The following PLCD1 variants were observed in gnomAD, a reference collection of about 807,000 sequenced individuals.
The protein encoded by PLCD1 is phospholipase C delta 1.
PLCD1 carries 71 observed loss-of-function variants against 87.4 expected under a neutral mutation model. That is an observed-to-expected ratio of 0.81 (90% CI 0.67 to 0.99). PLCD1 has a LOEUF of 0.99. PLCD1 is among the 50% of genes least tolerant of loss of function. The probability of loss-of-function intolerance (pLI) is 0.00; values close to 1 mark genes in which losing one functional copy is unlikely to be tolerated. For missense variants in PLCD1, 867 were observed against 1,001.5 expected, an observed-to-expected ratio of 0.87 and a Z score of 1.81; for synonymous variants, 348 against 399.2, an observed-to-expected ratio of 0.87 and a Z score of 1.53.
At chr3:38,022,762 C>T (rs950742801) in intron 1 of PLCD1, among the ~76,000 whole-genome samples, 25 of 152,132 alleles carry the variant, frequency 1.6e-4, no homozygotes, top group African/African-American at 5.6e-4. Context: ...CTCTTAGCCT[C>T]ATTTGGGGCC....
chr3:38,011,947 ACAAT>A (rs1700084925), intron 3 of PLCD1, among the ~76,000 whole-genome samples: 2 of 152,210 alleles, frequency 1.3e-5, no homozygotes, highest in Non-Finnish European at 1.5e-5. Flanking sequence ...AGAAAAGTAA[ACAAT>A]CAAACAAATC....
intron 3 of PLCD1, among the ~76,000 whole-genome samples, chr3:38,016,115 T>C (rs9861030): frequency 0.073 from 11,158 of 152,162 alleles, 531 homozygotes; most frequent in African/African-American, 0.13. Context: ...TATTTGGAGA[T>C]AAGGCCTTTG....
intron 1 of PLCD1, chr3:38,024,474 G>T: frequency 6.3e-7 from 1 of 1,586,150 alleles, no homozygotes; most frequent in East Asian, 2.3e-5. Flanking sequence ...GCCGGGTCCG[G>T]GGCAGTGCCG....
rs1700169615 is a variant in PLCD1, at chr3:38,017,068, G to A, written c.200-349C>T. Among the ~76,000 whole-genome samples the A allele has an allele frequency of 1.3e-5, 2 of 152,110 alleles. No individual in the cohort carries two copies. Among genetic ancestry groups the A allele is most frequent in the Admixed American group, 6.5e-5 (1 of 15,284 alleles). ...GCCTGCTCTCTCGGTGATGGGGGGT[G>A]CAGGGCCCCAGGGAGAGGACTGGAG... On this transcript the variant is annotated intron_variant, in intron 2 of 14. Transcript: ENST00000334661. This position sits in a 1 kb window ranked among gnomAD's most constrained non-coding sequence, Gnocchi z 4.7.
chr3:38,012,090 C>A (rs1575349448), intron 3 of PLCD1, among the ~76,000 whole-genome samples: 1 of 141,796 alleles, frequency 7.1e-6, no homozygotes, highest in Non-Finnish European at 1.5e-5. Context: ...TGCAGTGGCA[C>A]AATCACAGCT....
Position 38,011,787 on chromosome 3 carries a change from G to A in PLCD1, c.429-114C>T. On this transcript the variant is annotated intron_variant, in intron 3 of 14. Transcript: ENST00000334661. Reference sequence around the variant, plus strand: ...TATAGCCACAGCTCCCTGCAGGCCTGACTTACTACACATCCATGTTTCAGT... The same window carrying A: ...TATAGCCACAGCTCCCTGCAGGCCTAACTTACTACACATCCATGTTTCAGT... 6.3e-6 allele frequency: 6 copies of A among 946,812 alleles called. No individual in the cohort carries two copies. In the South Asian group the frequency reaches 7.9e-5, roughly 13 times the overall value. 58.7% of individuals were successfully genotyped at this position (946,812 alleles called of 1,614,324 possible). A position where few individuals can be genotyped will look rare whatever the true frequency, so the allele number is the denominator to read the frequency against.
At position 38,011,319 on chromosome 3, in the gene PLCD1, A is replaced by G. The variant is rs1700072283; in HGVS notation, c.685T>C (p.Ser229Pro). Residue 229 changes from serine (S) to proline (P), a missense_variant, in exon 5 of 15, where the codon TCG becomes CCG. Coordinates refer to ENST00000334661, the MANE Select transcript of PLCD1 (RefSeq NM_006225.4). ...AEAAGSGETL[S>P]VDQLVTFLQH... ...AGGAACGTCACTAACTGATCCACCGACAGAGTCTCCCCTGAGCCCGCGGCC... is the reference window on the plus strand; with the variant it reads ...AGGAACGTCACTAACTGATCCACCGGCAGAGTCTCCCCTGAGCCCGCGGCC... 3 of 1,612,096 alleles carry G rather than the reference A, an allele frequency of 1.9e-6. No homozygotes were observed. The highest frequency in any genetic ancestry group is 1.7e-6 in the Non-Finnish European group (2 of 1,180,028).
rs981837577 is a variant in PLCD1 at position 38,029,032 on chromosome 3, C to A, written c.34+474G>T. On this transcript the variant is annotated intron_variant, in intron 1 of 14. Transcript: ENST00000334661. ...ACCTTGCACACCTCCTCTCCCCACC[C>A]GCTTAGCCCCTGCTCCGCCACACCC... Among the ~76,000 whole-genome samples, 9 of 152,384 alleles carry A rather than the reference C, an allele frequency of 5.9e-5. No homozygotes were observed. In the South Asian group the frequency reaches 1.0e-3, roughly 18 times the overall value.
intron 3 of PLCD1, among the ~76,000 whole-genome samples, chr3:38,014,399 T>C (rs1051872443): frequency 1.3e-5 from 2 of 152,072 alleles, no homozygotes; most frequent in Non-Finnish European, 2.9e-5. Context: ...CAGAATAAAA[T>C]TGAGAACTCA....
Position 38,010,418 on chromosome 3 carries a change from T to G in PLCD1, c.935A>C (p.Asn312Thr). 1 of 1,614,142 alleles carries G rather than the reference T, an allele frequency of 6.2e-7. No individual in the cohort carries two copies. Among genetic ancestry groups the G allele is most frequent in the South Asian group, 1.1e-5 (1 of 91,080 alleles). The change falls in exon 6 of 15, where the codon AAC becomes ACC. Residue 312 changes from asparagine (N) to threonine (T), a missense_variant. Asn to Thr is a moderately conservative substitution (Grantham distance 65). Coordinates refer to ENST00000334661, the MANE Select transcript of PLCD1 (RefSeq NM_006225.4). ...LSHYLVSSSHNTYLLEDQLAG... is the reference protein window; with the variant it reads ...LSHYLVSSSHTTYLLEDQLAG... The stretch of plus-strand genomic sequence containing the variant: ...TAGCTGGTCCTCCAGCAGGTAGGTG[T>G]TGTGTGAAGAGGACACCAGGTAGTG...
At position 38,009,988 on chromosome 3, in the gene PLCD1, C is replaced by T; in HGVS notation, c.1203G>A (p.Met401Ile). 6.2e-7 allele frequency: 1 copy of T among 1,614,092 alleles called. No individual in the cohort carries two copies. Among genetic ancestry groups the T allele is most frequent in the Non-Finnish European group, 8.5e-7 (1 of 1,179,930 alleles). Residue 401 changes from methionine (M) to isoleucine (I), a missense_variant, in exon 8 of 15, where the codon ATG becomes ATA. Met to Ile is a conservative substitution (Grantham distance 10, BLOSUM62 1). Coordinates refer to ENST00000334661, the MANE Select transcript of PLCD1 (RefSeq NM_006225.4). ...NHCTLEQQRV[M>I]ARHLHAILGP... ...CCAGGATGGCATGCAGGTGCCGCGCCATCACGCGCTGCTGCTCCAGTGTGC... is the reference window on the plus strand; with the variant it reads ...CCAGGATGGCATGCAGGTGCCGCGCTATCACGCGCTGCTGCTCCAGTGTGC...
At chr3:38,008,676 C>T in intron 11 of PLCD1, 40 bp from the exon 12 acceptor site, 1 of 1,588,800 alleles carries the variant, frequency 6.3e-7, no homozygotes, top group Non-Finnish European at 8.6e-7. Context: ...GTGGGCTGGC[C>T]CTGGGGCCCT....
intron 1 of PLCD1, chr3:38,024,720 C>A: frequency 1.4e-6 from 2 of 1,435,566 alleles, no homozygotes; most frequent in Non-Finnish European, 1.8e-6. Context: ...GAAGGTGAGG[C>A]GAGAGCGAAA....
Position 38,010,358 on chromosome 3 carries a change from C to A in PLCD1, c.992+3G>T. 6.2e-7 allele frequency: 1 copy of A among 1,614,204 alleles called. No individual in the cohort carries two copies. The highest frequency in any genetic ancestry group is 8.5e-7 in the Non-Finnish European group (1 of 1,180,032). On this transcript the variant is annotated splice_donor_region_variant and intron_variant, in intron 6 of 14. Transcript: ENST00000334661. Reference sequence around the variant, plus strand: ...TCCCGACCCAAGGCTCCCTGAGCAGCACCGGATGTAGGCTTCAGTGCTGCT... The same window carrying A: ...TCCCGACCCAAGGCTCCCTGAGCAGAACCGGATGTAGGCTTCAGTGCTGCT...
rs1344575728 is a variant in PLCD1 at position 38,025,406 on chromosome 3, T to C, written c.34+4100A>G. Among the ~76,000 whole-genome samples, 2 of 151,910 alleles carry C rather than the reference T, an allele frequency of 1.3e-5. No homozygotes were observed. The highest frequency in any genetic ancestry group is 4.8e-5 in the African/African-American group (2 of 41,344). ...GATGGCAGTCTAGCGGGGACCTGAG[T>C]GGGGCGAGATCAGGCGGGACCGGGG... On this transcript the variant is annotated intron_variant, in intron 1 of 14. Coordinates refer to ENST00000334661, the MANE Select transcript of PLCD1 (RefSeq NM_006225.4). The surrounding 1 kb of genome is among the most constrained non-coding windows in gnomAD (Gnocchi z 4.0).
chr3:38,010,714 G>A, intron 5 of PLCD1, 152 bp from the exon 6 acceptor site: 1 of 665,616 alleles, frequency 1.5e-6, no homozygotes, highest in Non-Finnish European at 2.6e-6. Flanking sequence ...TAAGTCTGAG[G>A]CTCTCGACCA....
In PLCD1 at chr3:38,016,541, G is replaced by A. The variant is rs1700157362; in HGVS notation, c.378C>T (p.His126=). 2 of 1,614,046 alleles carry A rather than the reference G, an allele frequency of 1.2e-6. No individual in the cohort carries two copies. The highest frequency in any genetic ancestry group is 1.7e-4 in the Middle Eastern group (1 of 6,060). Residue 126 remains histidine (H), a synonymous_variant, in exon 3 of 15, where the codon CAC becomes CAT. Transcript: ENST00000334661. Reference sequence around the variant, plus strand: ...TGGAGCCTGAGTGGTGGATGATCTTGTGCAGCCCCAGCACCCAGTGCTGGG... The same window carrying A: ...TGGAGCCTGAGTGGTGGATGATCTTATGCAGCCCCAGCACCCAGTGCTGGG... ...ADAQHWVLGL[H]KIIHHSGSMD...
rs771117546 is a variant in PLCD1 at position 38,011,347 on chromosome 3, G to A, written c.657C>T (p.Ala219=). 9.9e-6 allele frequency: 16 copies of A among 1,612,688 alleles called. No homozygotes were observed. Among genetic ancestry groups the A allele is most frequent in the East Asian group, 2.2e-5 (1 of 44,882 alleles). Residue 219 remains alanine (A), a synonymous_variant, in exon 5 of 15, where the codon GCC becomes GCT. Transcript: ENST00000334661. ...TQRVEIDRTF[A]EAAGSGETLS... Reference sequence around the variant, plus strand: ...GAGTCTCCCCTGAGCCCGCGGCCTCGGCGAAGGTGCGGTCGATCTCCACCC... The same window carrying A: ...GAGTCTCCCCTGAGCCCGCGGCCTCAGCGAAGGTGCGGTCGATCTCCACCC...
At position 38,016,641 on chromosome 3, in the gene PLCD1, T is replaced by G; in HGVS notation, c.278A>C (p.Glu93Ala). Residue 93 changes from glutamate (E) to alanine (A), a missense_variant, in exon 3 of 15, where the codon GAG becomes GCG. Glu to Ala is a moderately radical substitution (Grantham distance 107). Coordinates refer to ENST00000334661, the MANE Select transcript of PLCD1 (RefSeq NM_006225.4). Reference protein sequence around the residue: ...GLEKFARDVPEDRCFSIVFKD... With the variant: ...GLEKFARDVPADRCFSIVFKD... Reference sequence around the variant, plus strand: ...GAAGACAATGGAGAAGCAGCGGTCCTCGGGCACATCACGGGCGAACTTCTC... The same window carrying G: ...GAAGACAATGGAGAAGCAGCGGTCCGCGGGCACATCACGGGCGAACTTCTC... The G allele has an allele frequency of 6.2e-7, 1 of 1,607,900 alleles. No homozygotes were observed. The highest frequency in any genetic ancestry group is 1.1e-5 in the South Asian group (1 of 90,018).
Sources: gnomAD v4.1 joint callset for allele counts (sites outside exome capture counted in the v4.1 genomes callset) on GRCh38, gnomAD v4.1.1 for gene constraint, Gnocchi (gnomAD v3.1) non-coding constraint, MANE v1.5 for transcripts, NCBI Gene and HGNC (gene_info 2026-07-23, HGNC 2026-07-21) for gene names.